The following MAP2 variants were observed in gnomAD, a reference collection of about 807,000 sequenced individuals.
MAP2 encodes microtubule associated protein 2, also known as microtubule-associated protein 2.
In MAP2, 14 loss-of-function variants were observed where a neutral mutation model predicts 137.6. That is an observed-to-expected ratio of 0.10 (90% CI 0.07 to 0.16). The LOEUF is 0.16. Among genes scored for constraint, MAP2 ranks in the 10% least tolerant of loss-of-function variants. The pLI is 1.00. For synonymous variants in MAP2, 786 were observed against 782.3 expected, an observed-to-expected ratio of 1.00 and a Z score of -0.08; for missense variants, 2,088 against 2,191.5, an observed-to-expected ratio of 0.95 and a Z score of 0.94.
chr2:209,465,130 GA>G lies in MAP2; in HGVS notation c.-222+40856del, dbSNP rs1703807232. Among the ~76,000 whole-genome samples the G allele has an allele frequency of 2.0e-5, 3 of 152,182 alleles. No individual in the cohort carries two copies. In the South Asian group the frequency reaches 6.2e-4, roughly 32 times the overall value. ...TCTTAGAGCTGGAAGGAGACTTAGG[GA>G]AGATTTAATCCAGTCCCTTTTCTTT... On this transcript the variant is annotated intron_variant, in intron 1 of 15. Coordinates refer to ENST00000682079, the MANE Select transcript of MAP2 (RefSeq NM_001375505.1).
intron 2 of MAP2, among the ~76,000 whole-genome samples, chr2:209,535,329 T>C (rs2065793049): frequency 6.6e-6 from 1 of 152,208 alleles, no homozygotes; most frequent in African/African-American, 2.4e-5. Flanking sequence ...TCCCTACTTA[T>C]CCTGGACAAC....
intron 4 of MAP2, among the ~76,000 whole-genome samples, chr2:209,652,662 A>G (rs2094887923): frequency 6.6e-6 from 1 of 152,144 alleles, no homozygotes; most frequent in South Asian, 2.1e-4. Flanking sequence ...TACATGGGAT[A>G]ATTTTTCATG....
intron 1 of MAP2, among the ~76,000 whole-genome samples, chr2:209,479,080 T>C (rs1223133907): frequency 6.6e-6 from 1 of 152,220 alleles, no homozygotes; most frequent in African/African-American, 2.4e-5. Context: ...CCTATGTGTA[T>C]TCATTTTCAA....
chr2:209,678,577 G>C lies in MAP2; in HGVS notation c.268G>C (p.Val90Leu). 6.5e-7 allele frequency: 1 copy of C among 1,534,682 alleles called. No homozygotes were observed. The highest frequency in any genetic ancestry group is 8.9e-7 in the Non-Finnish European group (1 of 1,129,236). The change falls in exon 6 of 16, where the codon GTG becomes CTG. Residue 90 changes from valine to leucine, a missense_variant. Around this residue, in one of 6 missense-constraint regions of MAP2, gnomAD observed 859 missense variants for 794.5 expected, o/e 1.08. Coordinates refer to ENST00000682079, the MANE Select transcript of MAP2 (RefSeq NM_001375505.1). ...TSADRETAEE[V>L]SARIVQVVTA... Reference sequence around the variant, plus strand: ...TTTGTTACTGTTTATTACAGAGGAGGTGTCTGCAAGGATAGTTCAAGTAGT... The same window carrying C: ...TTTGTTACTGTTTATTACAGAGGAGCTGTCTGCAAGGATAGTTCAAGTAGT...
intron 2 of MAP2, among the ~76,000 whole-genome samples, chr2:209,530,409 C>T (rs535558434): frequency 3.2e-4 from 49 of 152,240 alleles, no homozygotes; most frequent in African/African-American, 1.2e-3. Context: ...TAATGAAGGA[C>T]AGTTTTTGGC....
chr2:209,680,030 T>C (rs1158369513), intron 6 of MAP2, among the ~76,000 whole-genome samples: 2 of 152,176 alleles, frequency 1.3e-5, no homozygotes, highest in Non-Finnish European at 2.9e-5. Context: ...TCACAAATCA[T>C]GTAAGTGTCT....
At chr2:209,432,933 A>G (rs767942879) in intron 1 of MAP2, among the ~76,000 whole-genome samples, 51 of 152,264 alleles carry the variant, frequency 3.3e-4, no homozygotes, top group South Asian at 2.7e-3. Flanking sequence ...GAATTAAGAT[A>G]ATGCCTTTTA....
At chr2:209,726,737 C>T (rs1003732803) in intron 14 of MAP2, among the ~76,000 whole-genome samples, 1 of 152,164 alleles carries the variant, frequency 6.6e-6, no homozygotes, top group African/African-American at 2.4e-5. Flanking sequence ...GCACTCCAGC[C>T]TAGGCAACAG....
chr2:209,581,245 G>A (rs1450339960), intron 3 of MAP2, among the ~76,000 whole-genome samples: 1 of 152,072 alleles, frequency 6.6e-6, no homozygotes, highest in Non-Finnish European at 1.5e-5. Context: ...TGCTGCTGTG[G>A]GTAATTATTG....
At chr2:209,500,547 A>G (rs1295224220) in intron 1 of MAP2, among the ~76,000 whole-genome samples, 1 of 151,872 alleles carries the variant, frequency 6.6e-6, no homozygotes, top group Non-Finnish European at 1.5e-5. Flanking sequence ...TCTCCCCTTC[A>G]CTGATCTCCC....
chr2:209,703,071 A>G (rs1389529024), intron 11 of MAP2, among the ~76,000 whole-genome samples: 2 of 152,104 alleles, frequency 1.3e-5, no homozygotes, highest in African/African-American at 4.8e-5. Flanking sequence ...CCCAGGAGTT[A>G]TCAACACCTG....
chr2:209,589,576 C>T (rs2078701521), intron 3 of MAP2, among the ~76,000 whole-genome samples: 1 of 152,088 alleles, frequency 6.6e-6, no homozygotes, highest in African/African-American at 2.4e-5. Flanking sequence ...ATTAGTGTGG[C>T]ATGGATTTAT....
At chr2:209,597,620 A>G (rs1432444238) in intron 3 of MAP2, among the ~76,000 whole-genome samples, 1 of 152,200 alleles carries the variant, frequency 6.6e-6, no homozygotes, top group African/African-American at 2.4e-5. Flanking sequence ...AATGCTTCCC[A>G]TAGCATTCAC....
intron 7 of MAP2, among the ~76,000 whole-genome samples, chr2:209,692,178 T>G (rs10183590): frequency 0.13 from 20,015 of 152,068 alleles, 1,860 homozygotes; most frequent in African/African-American, 0.26. Flanking sequence ...ATGTTCAGTA[T>G]AAATCAATTC....
intron 1 of MAP2, among the ~76,000 whole-genome samples, chr2:209,498,336 G>A (rs1184597727): frequency 1.3e-5 from 2 of 152,146 alleles, no homozygotes; most frequent in Non-Finnish European, 2.9e-5. Flanking sequence ...AGCTTTGCAG[G>A]GTGCATCCTC....
intron 1 of MAP2, among the ~76,000 whole-genome samples, chr2:209,426,668 C>T (rs1692665816): frequency 6.6e-6 from 1 of 152,212 alleles, no homozygotes; most frequent in Admixed American, 6.5e-5. Flanking sequence ...ACACCCATCT[C>T]AGGGCAAAAG....
intron 5 of MAP2, among the ~76,000 whole-genome samples, chr2:209,662,344 C>T (rs1050195589): frequency 6.6e-6 from 1 of 152,096 alleles, no homozygotes; most frequent in Non-Finnish European, 1.5e-5. Flanking sequence ...ACATCACAAG[C>T]GCAAAAAGTA....
intron 2 of MAP2, among the ~76,000 whole-genome samples, chr2:209,572,265 A>G (rs540627812): frequency 3.3e-5 from 5 of 152,214 alleles, no homozygotes; most frequent in African/African-American, 9.6e-5. Context: ...TCATTGCAGT[A>G]CAACTCTAAT....
At chr2:209,659,882 G>GA (rs2042598792) in intron 5 of MAP2, among the ~76,000 whole-genome samples, 1 of 151,382 alleles carries the variant, frequency 6.6e-6, no homozygotes. Flanking sequence ...ACTGAAAATA[G>GA]AAAAAATTAG....
Sources: gnomAD v4.1 joint callset for allele counts (sites outside exome capture counted in the v4.1 genomes callset) on GRCh38, gnomAD v4.1.1 for gene constraint, gnomAD v4.1.1 regional missense constraint, MANE v1.5 for transcripts, NCBI Gene and HGNC (gene_info 2026-07-23, HGNC 2026-07-21) for gene names.